Variants in RGS6 observed in about 807,000 individuals in gnomAD.
The protein encoded by RGS6 is regulator of G-protein signaling 6.
RGS6 carries 30 observed loss-of-function variants against 78.5 expected under a neutral mutation model. The ratio of observed to expected loss-of-function variants is 0.38; its 90% confidence interval spans 0.29 to 0.52. RGS6 has a LOEUF of 0.52. Ranked by LOEUF, RGS6 falls within the 20% of genes least tolerant of loss-of-function variation. The pLI is 0.85. For synonymous variants in RGS6, 206 were observed against 206.0 expected (o/e 1.00, Z 0.00); for missense variants, 495 against 609.7 (o/e 0.81, Z 1.98).
chr14:72,345,529 G>T (rs1314205410), intron 2 of RGS6, among the ~76,000 whole-genome samples: 1 of 152,210 alleles, frequency 6.6e-6, no homozygotes, highest in Non-Finnish European at 1.5e-5. Context: ...GGGTTGGAAA[G>T]AAGAAGGGAG....
chr14:72,367,952 A>T (rs1384154446), intron 3 of RGS6, among the ~76,000 whole-genome samples: 2 of 152,198 alleles, frequency 1.3e-5, no homozygotes, highest in African/African-American at 4.8e-5. Context: ...GGCCTGTCTG[A>T]AGTTAATTCT....
At position 72,285,414 on chromosome 14, in the gene RGS6, G is replaced by T. The variant is rs72721872; in HGVS notation, c.85-66681G>T. ...TCATGGGATCTAATGGTTTTATATG[G>T]GTTTTCTCTTTCACTTGGTTCTCAT... On this transcript the variant is annotated intron_variant, in intron 2 of 17. Coordinates refer to ENST00000553525, the MANE Select transcript of RGS6 (RefSeq NM_001204424.2). Among the ~76,000 whole-genome samples the T allele has an allele frequency of 4.7e-3, 711 of 152,146 alleles. 7 individuals carry two copies. The highest frequency in any genetic ancestry group is 0.01 in the Middle Eastern group (3 of 294).
chr14:71,876,019 A>G, the RGS6 span, among the ~76,000 whole-genome samples: 13 of 152,160 alleles, frequency 8.5e-5, no homozygotes, highest in African/African-American at 1.2e-4. Flanking sequence ...ACAATTTCTT[A>G]TAATTTCTGT....
At position 72,489,550 on chromosome 14, in the gene RGS6, C is replaced by T. The variant is rs142674501; in HGVS notation, c.855-5602C>T. Among the ~76,000 whole-genome samples, 600 of 152,248 alleles carry T rather than the reference C, an allele frequency of 3.9e-3. 4 individuals are homozygous for T. Among genetic ancestry groups the T allele is most frequent in the African/African-American group, 0.013 (554 of 41,538 alleles). On this transcript the variant is annotated intron_variant, in intron 12 of 17. Transcript: ENST00000553525. ...ATCTACATAAATCATTATGGATTAT[C>T]CAGAGACTCCAAATCCAATGACAAG... is the stretch of plus-strand genomic sequence containing the variant.
chr14:72,189,293 C>G (rs1254867741), intron 2 of RGS6, among the ~76,000 whole-genome samples: 3 of 152,168 alleles, frequency 2.0e-5, no homozygotes, highest in Non-Finnish European at 4.4e-5. Context: ...TTCCACAAAA[C>G]TTCTAGTATG....
intron 2 of RGS6, among the ~76,000 whole-genome samples, chr14:72,205,392 A>G (rs1001323465): frequency 1.1e-4 from 16 of 152,330 alleles, no homozygotes; most frequent in Admixed American, 9.8e-4. Context: ...GCATATGACT[A>G]TGCAACGTGC....
the RGS6 span, among the ~76,000 whole-genome samples, chr14:71,919,255 C>A: frequency 1.3e-5 from 2 of 152,126 alleles, no homozygotes; most frequent in African/African-American, 2.4e-5. Flanking sequence ...CAGTAAGTGC[C>A]CGTGGGGGTG....
intron 2 of RGS6, among the ~76,000 whole-genome samples, chr14:71,971,279 G>T (rs952060676): frequency 1.3e-5 from 2 of 152,188 alleles, no homozygotes; most frequent in South Asian, 4.1e-4. Context: ...GTTGGGTTTG[G>T]TTAGTAAAAG....
intron 17 of RGS6, chr14:72,547,426 CAG>C: frequency 9.5e-7 from 1 of 1,051,152 alleles, no homozygotes; most frequent in African/African-American, 1.7e-5. Flanking sequence ...GTGGAAACAA[CAG>C]GGGATGCTTC....
At chr14:72,611,101 C>T in the RGS6 span, among the ~76,000 whole-genome samples, 3 of 152,202 alleles carry the variant, frequency 2.0e-5, no homozygotes, top group African/African-American at 4.8e-5. Context: ...CCCAGAGGAG[C>T]CTTCCCTTGG....
intron 2 of RGS6, among the ~76,000 whole-genome samples, chr14:72,319,331 C>T (rs950506062): frequency 1.3e-5 from 2 of 151,560 alleles, no homozygotes; most frequent in Non-Finnish European, 2.9e-5. Flanking sequence ...TGTAGCTCTC[C>T]AGAGAACTGA....
intron 6 of RGS6, among the ~76,000 whole-genome samples, chr14:72,461,963 G>A (rs1417351628): frequency 2.0e-5 from 3 of 152,126 alleles, no homozygotes; most frequent in Non-Finnish European, 4.4e-5. Context: ...GTGGTGGTTG[G>A]TATCACTACT....
rs141682498 is a variant in RGS6 at position 72,155,457 on chromosome 14, C to G, written c.84+190582C>G. ...CCCAGGATATGACTTCCAGAACTAA[C>G]CACCCACAATGCAGATTAGTAATAT... On this transcript the variant is annotated intron_variant, in intron 2 of 17. Coordinates refer to ENST00000553525, the MANE Select transcript of RGS6 (RefSeq NM_001204424.2). Among the ~76,000 whole-genome samples, 602 of 152,286 alleles carry G rather than the reference C, an allele frequency of 4.0e-3. 3 individuals are homozygous for G. The highest frequency in any genetic ancestry group is 0.014 in the African/African-American group (580 of 41,550).
At chr14:72,568,312 C>A (rs2097716338), downstream of RGS6, among the ~76,000 whole-genome samples, 1 of 152,214 alleles carries the variant, frequency 6.6e-6, no homozygotes, top group East Asian at 1.9e-4. Flanking sequence ...GGGCCTGACA[C>A]ATGGTAAATG....
At chr14:72,217,026 G>C (rs1238599322) in intron 2 of RGS6, among the ~76,000 whole-genome samples, 1 of 152,136 alleles carries the variant, frequency 6.6e-6, no homozygotes, top group African/African-American at 2.4e-5. Flanking sequence ...TATAGTGGTA[G>C]CTCCTCCTAA....
At chr14:72,024,984 C>T (rs8022882) in intron 2 of RGS6, among the ~76,000 whole-genome samples, 118,437 of 152,196 alleles carry the variant, frequency 0.78, 46,694 homozygotes, top group South Asian at 0.89. Flanking sequence ...GAGGCTTCTT[C>T]GTGCCCATAA....
At chr14:72,460,023 G>A (rs1400911898) in intron 6 of RGS6, among the ~76,000 whole-genome samples, 2 of 152,134 alleles carry the variant, frequency 1.3e-5, no homozygotes, top group Non-Finnish European at 2.9e-5. Flanking sequence ...CCAGGGATAG[G>A]GCTTCAGGGA....
intron 2 of RGS6, among the ~76,000 whole-genome samples, chr14:72,287,354 G>A (rs1223429596): frequency 6.6e-6 from 1 of 152,190 alleles, no homozygotes; most frequent in Non-Finnish European, 1.5e-5. Context: ...GAAAGTAAGT[G>A]GTGACAGTGG....
chr14:72,326,833 G>T (rs992964745), intron 2 of RGS6, among the ~76,000 whole-genome samples: 1 of 152,106 alleles, frequency 6.6e-6, no homozygotes, highest in Non-Finnish European at 1.5e-5. Flanking sequence ...TCAGCCTGCC[G>T]AGTCGCTGGG....
Sources: gnomAD v4.1 joint callset for allele counts (sites outside exome capture counted in the v4.1 genomes callset) on GRCh38, gnomAD v4.1.1 for gene constraint, MANE v1.5 for transcripts, NCBI Gene and HGNC (gene_info 2026-07-23, HGNC 2026-07-21) for gene names.